The following RNF24 variants were observed in gnomAD, a reference collection of about 807,000 sequenced individuals.
RNF24 encodes ring finger protein 24.
In RNF24, 14 loss-of-function variants were observed where a neutral mutation model predicts 20.0. The ratio of observed to expected loss-of-function variants is 0.70; its 90% CI spans 0.46 to 1.10. The LOEUF (loss-of-function observed/expected upper bound fraction) is 1.10. Among genes scored for constraint, RNF24 ranks in the 50% least tolerant of loss-of-function variants. The pLI is 0.00. For missense variants in RNF24, 124 were observed against 177.6 expected (o/e 0.70, Z 1.71); for synonymous variants, 45 against 61.1 (o/e 0.74, Z 1.23).
chr20:3,999,204 A>C (rs1268418298), intron 1 of RNF24, among the ~76,000 whole-genome samples: 1 of 152,236 alleles, frequency 6.6e-6, no homozygotes, highest in Non-Finnish European at 1.5e-5. Flanking sequence ...AATAAAAGTG[A>C]GAGTGTTGCA....
At chr20:3,949,767 G>A (rs1314356966) in intron 2 of RNF24, among the ~76,000 whole-genome samples, 1 of 152,138 alleles carries the variant, frequency 6.6e-6, no homozygotes, top group East Asian at 1.9e-4. Flanking sequence ...TGTAGGTTAA[G>A]TCTGAAAAAT....
chr20:3,991,709 T>A (rs1328082841), intron 1 of RNF24, among the ~76,000 whole-genome samples: 1 of 152,178 alleles, frequency 6.6e-6, no homozygotes, highest in Non-Finnish European at 1.5e-5. Context: ...ATTAGATACT[T>A]CACAAATATC....
At chr20:3,968,508 C>T (rs2091283021) in intron 1 of RNF24, among the ~76,000 whole-genome samples, 2 of 152,088 alleles carry the variant, frequency 1.3e-5, no homozygotes, top group South Asian at 2.1e-4. Flanking sequence ...GTACTAGTTA[C>T]TCTGGAGGCT....
At chr20:3,935,492 G>A (rs1009866209) in intron 4 of RNF24, among the ~76,000 whole-genome samples, 1 of 152,210 alleles carries the variant, frequency 6.6e-6, no homozygotes, top group Non-Finnish European at 1.5e-5. Flanking sequence ...GAAAGGGACC[G>A]CTCAAGCCCT....
chr20:3,960,005 C>T (rs568497752), intron 2 of RNF24, among the ~76,000 whole-genome samples: 1 of 152,248 alleles, frequency 6.6e-6, no homozygotes, highest in South Asian at 2.1e-4. Context: ...GTAAGATGCC[C>T]TTCTTTTGTG....
chr20:3,952,034 T>C (rs1415225872), intron 2 of RNF24, among the ~76,000 whole-genome samples: 1 of 152,162 alleles, frequency 6.6e-6, no homozygotes, highest in African/African-American at 2.4e-5. Context: ...CTTAATACTG[T>C]TGCTTTAAAA....
At chr20:4,009,459 G>A (rs1158706303) in intron 1 of RNF24, among the ~76,000 whole-genome samples, 1 of 152,038 alleles carries the variant, frequency 6.6e-6, no homozygotes, top group East Asian at 1.9e-4. Context: ...GATGTGAGGA[G>A]GAACACAGTA....
rs2090842191 is a variant in RNF24, at chr20:3,932,959, C to T, written c.*1104G>A. The T allele has an allele frequency of 2.5e-6, 1 of 398,402 alleles. No individual in the cohort carries two copies. Among genetic ancestry groups the T allele is most frequent in the African/African-American group, 2.1e-5 (1 of 48,576 alleles). The allele number at this position is 398,402 out of a possible 1,614,324, so 24.7% of individuals were successfully genotyped here. ...AGGCACACACCAACGGTGGACAGCC[C>T]TGCAGGAGCTTCCTGAAACTATCTA... On this transcript the variant is annotated 3_prime_UTR_variant, in exon 6 of 6. Transcript: ENST00000358395.
chr20:3,971,314 C>A (rs1231288506), intron 1 of RNF24, among the ~76,000 whole-genome samples: 1 of 152,122 alleles, frequency 6.6e-6, no homozygotes. Flanking sequence ...GACAGCCTCA[C>A]ATGAAGGAAA....
chr20:4,000,647 C>CCACA, intron 1 of RNF24, among the ~76,000 whole-genome samples: 1 of 152,304 alleles, frequency 6.6e-6, no homozygotes, highest in South Asian at 2.1e-4. Flanking sequence ...TTCTGACCAG[C>CCACA]CACAGTTCAG....
rs1408565138 is a variant in RNF24 at position 3,981,172 on chromosome 20, T to G, written c.-7-17148A>C. ...ATATTTCTACCTCTATCAAAAAAAA[T>G]AAAAGAAAAGAAATTGATGGTTTCA... On this transcript the variant is annotated intron_variant, in intron 1 of 5. Transcript: ENST00000358395. Among the ~76,000 whole-genome samples, 3 of 152,106 alleles carry G rather than the reference T, an allele frequency of 2.0e-5. No individual in the cohort carries two copies. In the East Asian group the frequency reaches 5.8e-4, roughly 29 times the overall value.
chr20:4,011,374 G>A (rs1982446609), intron 1 of RNF24, among the ~76,000 whole-genome samples: 3 of 152,178 alleles, frequency 2.0e-5, no homozygotes, highest in Non-Finnish European at 4.4e-5. Context: ...AGCTACTCAA[G>A]AATAAGGAAG....
chr20:3,963,492 C>A (rs1161362376), intron 2 of RNF24, among the ~76,000 whole-genome samples: 1 of 152,240 alleles, frequency 6.6e-6, no homozygotes, highest in Non-Finnish European at 1.5e-5. Flanking sequence ...TGCGCCCAGC[C>A]TTCCCTACTT....
intron 2 of RNF24, among the ~76,000 whole-genome samples, chr20:3,948,850 T>C (rs368840551): frequency 3.9e-5 from 6 of 152,356 alleles, no homozygotes; most frequent in African/African-American, 1.4e-4. Context: ...CAGTCTACAA[T>C]GCCTTGTGAG....
In RNF24 at chr20:3,993,677, GAA is replaced by G. The variant is rs1980639534; in HGVS notation, c.-8+21758_-8+21759del. 3.3e-5 allele frequency among the ~76,000 whole-genome samples: 5 copies of G among 152,292 alleles called. No homozygotes were observed. The South Asian group carries it at 1.0e-3, about 32-fold the overall frequency. On this transcript the variant is annotated intron_variant, in intron 1 of 5. Coordinates refer to ENST00000358395, the MANE Select transcript of RNF24 (RefSeq NM_001134337.3). ...AGCCTGGACTGCACTGGTAGGGTTA[GAA>G]TGGATACACAAGTAAAAACAATTTC...
In RNF24 at chr20:3,931,498, A is replaced by G. The variant is rs1245087850; in HGVS notation, c.*2565T>C. The G allele has an allele frequency of 2.6e-5, 4 of 152,262 alleles. No individual in the cohort carries two copies. The highest frequency in any genetic ancestry group is 5.9e-5 in the Non-Finnish European group (4 of 68,052). The allele number at this position is 152,262 out of a possible 1,614,324, so 9.4% of individuals were successfully genotyped here. ...AAAAGGCCTGTTTGTCTGTACAGCA[A>G]TGCAGATGCGCAGGCCCATCCTGGT... On this transcript the variant is annotated 3_prime_UTR_variant, in exon 6 of 6. Coordinates refer to ENST00000358395, the MANE Select transcript of RNF24 (RefSeq NM_001134337.3).
intron 1 of RNF24, among the ~76,000 whole-genome samples, chr20:3,977,092 T>C (rs1038194273): frequency 4.6e-5 from 7 of 152,116 alleles, no homozygotes; most frequent in Non-Finnish European, 1.0e-4. Context: ...CCAAACTATC[T>C]TTCATTTGTA....
At chr20:4,001,739 C>T (rs923087858) in intron 1 of RNF24, among the ~76,000 whole-genome samples, 8 of 151,830 alleles carry the variant, frequency 5.3e-5, no homozygotes, top group Admixed American at 3.9e-4. Context: ...AGTTCAAGAC[C>T]AGCCTAGGCA....
At chr20:4,003,471 A>G (rs373949328) in intron 1 of RNF24, among the ~76,000 whole-genome samples, 1 of 152,226 alleles carries the variant, frequency 6.6e-6, no homozygotes, top group African/African-American at 2.4e-5. Flanking sequence ...ATAGTTTTCC[A>G]GAAACATCTT....
Sources: gnomAD v4.1 joint callset for allele counts (sites outside exome capture counted in the v4.1 genomes callset) on GRCh38, gnomAD v4.1.1 for gene constraint, MANE v1.5 for transcripts, NCBI Gene and HGNC (gene_info 2026-07-23, HGNC 2026-07-21) for gene names.